The following CAMKMT variants were observed in gnomAD, a reference collection of about 807,000 sequenced individuals.
The protein encoded by CAMKMT is CaM KMT.
CAMKMT carries 53 observed loss-of-function variants against 48.0 expected under a neutral mutation model. The ratio of observed to expected loss-of-function variants is 1.10; its 90% CI spans 0.89 to 1.39. The LOEUF (loss-of-function observed/expected upper bound fraction) is 1.39. CAMKMT is among the 40% of genes most tolerant of loss of function. The pLI, the probability that CAMKMT is intolerant of heterozygous loss-of-function variation, is 0.00. For synonymous variants in CAMKMT, 165 were observed against 152.3 expected, an observed-to-expected ratio of 1.08 and a Z score of -0.61; for missense variants, 428 against 402.7, an observed-to-expected ratio of 1.06 and a Z score of -0.54.
intron 7 of CAMKMT, among the ~76,000 whole-genome samples, chr2:44,721,854 AG>A (rs1303126837): frequency 1.2e-5 from 1 of 82,338 alleles, no homozygotes; most frequent in Admixed American, 1.6e-4. Context: ...AGGAGAGGGG[AG>A]GGGAGGGGAG....
At chr2:44,409,606 T>G (rs1047165185) in intron 3 of CAMKMT, among the ~76,000 whole-genome samples, 1 of 152,158 alleles carries the variant, frequency 6.6e-6, no homozygotes, top group African/African-American at 2.4e-5. Context: ...CAGTGGCAGA[T>G]TTGGATGGCT....
At chr2:44,623,397 G>T (rs1462360222) in intron 3 of CAMKMT, among the ~76,000 whole-genome samples, 2 of 152,058 alleles carry the variant, frequency 1.3e-5, no homozygotes, top group Admixed American at 1.3e-4. Context: ...TAAATTATTT[G>T]CCAAGGCTGA....
chr2:44,394,236 G>C (rs1681612168), intron 3 of CAMKMT, among the ~76,000 whole-genome samples: 1 of 151,968 alleles, frequency 6.6e-6, no homozygotes, highest in Non-Finnish European at 1.5e-5. Context: ...GCTTAAGTCT[G>C]GGGGATGTAT....
intron 3 of CAMKMT, among the ~76,000 whole-genome samples, chr2:44,559,547 C>G (rs564335829): frequency 8.4e-4 from 99 of 117,904 alleles, no homozygotes; most frequent in African/African-American, 2.3e-3. Context: ...TTTTACATAA[C>G]CACTTTTTTT....
intron 3 of CAMKMT, among the ~76,000 whole-genome samples, chr2:44,588,312 G>T (rs1490750159): frequency 1.2e-5 from 1 of 80,594 alleles, no homozygotes; most frequent in Non-Finnish European, 2.7e-5. Flanking sequence ...GAGGGGGGGG[G>T]TCAGCCCCCC....
intron 3 of CAMKMT, among the ~76,000 whole-genome samples, chr2:44,494,721 T>C (rs192033454): frequency 6.6e-6 from 1 of 152,166 alleles, no homozygotes; most frequent in Admixed American, 6.5e-5. Flanking sequence ...CCAATTAGTA[T>C]AGGAAAGAGA....
chr2:44,426,234 G>T (rs903805881), intron 3 of CAMKMT, among the ~76,000 whole-genome samples: 1 of 152,132 alleles, frequency 6.6e-6, no homozygotes, highest in African/African-American at 2.4e-5. Flanking sequence ...CAACATAATT[G>T]GTAACTGGCA....
intron 2 of CAMKMT, among the ~76,000 whole-genome samples, chr2:44,377,654 C>A (rs17032178): frequency 6.6e-6 from 1 of 152,136 alleles, no homozygotes; most frequent in Non-Finnish European, 1.5e-5. Context: ...GAGGCCTGAA[C>A]TGTCCTTCTT....
chr2:44,638,578 G>A (rs1038088498), intron 3 of CAMKMT, among the ~76,000 whole-genome samples: 4 of 152,120 alleles, frequency 2.6e-5, no homozygotes, highest in African/African-American at 9.7e-5. Flanking sequence ...TTCAAATGGG[G>A]CCAAGGCTTC....
intron 3 of CAMKMT, among the ~76,000 whole-genome samples, chr2:44,675,221 A>C (rs12612153): frequency 0.099 from 15,023 of 152,112 alleles, 1,033 homozygotes; most frequent in Admixed American, 0.22. Context: ...TGCCTCCTCA[A>C]CTTGATGGCT....
intron 8 of CAMKMT, 149 bp from the exon 9 acceptor site, chr2:44,753,906 C>G (rs529981460): frequency 1.4e-5 from 9 of 641,178 alleles, no homozygotes; most frequent in Admixed American, 4.8e-5. Context: ...CCTCCCACCC[C>G]CTCCAGTGAG....
At chr2:44,471,167 T>A (rs954598304) in intron 3 of CAMKMT, among the ~76,000 whole-genome samples, 2 of 151,958 alleles carry the variant, frequency 1.3e-5, no homozygotes, top group Admixed American at 1.3e-4. Context: ...AGTTTTGTAT[T>A]TTTAGTAGAG....
rs1357437598 is a variant in CAMKMT, at chr2:44,618,234, A to C, written c.377-86049A>C. 6.6e-6 allele frequency among the ~76,000 whole-genome samples: 1 copy of C among 152,178 alleles called. No individual in the cohort carries two copies. Among genetic ancestry groups the C allele is most frequent in the Non-Finnish European group, 1.5e-5 (1 of 68,046 alleles). Reference sequence around the variant, plus strand: ...GTAGCTCTCAGATTATTGAGTGACAAACTTTATTGAATTTGACTTAACAGA... The same window carrying C: ...GTAGCTCTCAGATTATTGAGTGACACACTTTATTGAATTTGACTTAACAGA... On this transcript the variant is annotated intron_variant, in intron 3 of 10. Transcript: ENST00000378494. This position sits in a 1 kb window ranked among gnomAD's most constrained non-coding sequence, Gnocchi z 4.0.
chr2:44,609,746 A>G (rs1036423947), intron 3 of CAMKMT, among the ~76,000 whole-genome samples: 2 of 152,052 alleles, frequency 1.3e-5, no homozygotes, highest in East Asian at 1.9e-4. Context: ...TCTGCTTGCT[A>G]TGGAGGGATG....
chr2:44,396,836 G>A (rs1457994085), intron 3 of CAMKMT, among the ~76,000 whole-genome samples: 1 of 151,730 alleles, frequency 6.6e-6, no homozygotes, highest in Non-Finnish European at 1.5e-5. Flanking sequence ...CAAGGTGGGC[G>A]GATCACAAGG....
rs375947617 is a variant in CAMKMT at position 44,407,478 on chromosome 2, C to G, written c.376+17173C>G. On this transcript the variant is annotated intron_variant, in intron 3 of 10. Transcript: ENST00000378494. ...CCTTGGCATGAGTGGGTTTTCTCCC[C>G]TTTCACAGCAGCAGGTGTCTTTTGC... Among the ~76,000 whole-genome samples, 551 of 152,222 alleles carry G rather than the reference C, an allele frequency of 3.6e-3. 3 individuals carry two copies. Among genetic ancestry groups the G allele is most frequent in the African/African-American group, 0.013 (530 of 41,536 alleles).
chr2:44,493,457 C>A (rs1206586402), intron 3 of CAMKMT, among the ~76,000 whole-genome samples: 1 of 152,050 alleles, frequency 6.6e-6, no homozygotes, highest in Non-Finnish European at 1.5e-5. Flanking sequence ...CTAAACAACC[C>A]CAGAGGATGT....
At chr2:44,397,662 G>A (rs931268498) in intron 3 of CAMKMT, among the ~76,000 whole-genome samples, 5 of 151,838 alleles carry the variant, frequency 3.3e-5, no homozygotes, top group Non-Finnish European at 7.4e-5. Context: ...GAAGGAAAAA[G>A]ACACATTTGT....
intron 3 of CAMKMT, among the ~76,000 whole-genome samples, chr2:44,647,217 T>A (rs1409852646): frequency 6.6e-6 from 1 of 152,182 alleles, no homozygotes; most frequent in Non-Finnish European, 1.5e-5. Context: ...ATAACTCCAT[T>A]GACATTCAAT....
Sources: gnomAD v4.1 joint callset for allele counts (sites outside exome capture counted in the v4.1 genomes callset) on GRCh38, gnomAD v4.1.1 for gene constraint, Gnocchi (gnomAD v3.1) non-coding constraint, MANE v1.5 for transcripts, NCBI Gene and HGNC (gene_info 2026-07-23, HGNC 2026-07-21) for gene names.